The following ASTN2 variants were observed in gnomAD, a reference collection of about 807,000 sequenced individuals.
ASTN2 encodes astrotactin-2.
ASTN2 carries 54 observed loss-of-function variants against 139.8 expected under a neutral mutation model. That is an observed-to-expected ratio of 0.39 (90% CI 0.31 to 0.48). ASTN2 has a LOEUF of 0.48. Among genes scored for constraint, ASTN2 ranks in the 20% least tolerant of loss-of-function variants. ASTN2 has a pLI of 0.95. For missense variants in ASTN2, 1,565 were observed against 1,725.1 expected (o/e 0.91, Z 1.64); for synonymous variants, 756 against 719.5 (o/e 1.05, Z -0.81).
At chr9:116,463,371 A>C (rs1482232565) in intron 20 of ASTN2, among the ~76,000 whole-genome samples, 1 of 152,118 alleles carries the variant, frequency 6.6e-6, no homozygotes, top group East Asian at 1.9e-4. Flanking sequence ...TATTCTCCCT[A>C]AGCTGGTTCA....
intron 5 of ASTN2, among the ~76,000 whole-genome samples, chr9:117,089,496 T>C (rs1828648649): frequency 7.3e-6 from 1 of 136,520 alleles, no homozygotes; most frequent in Non-Finnish European, 1.6e-5. Flanking sequence ...AAATAGACTC[T>C]TTTATTTATT....
rs972987537 is a variant in ASTN2, at chr9:116,794,660, G to A, written c.2396+10972C>T. 7.2e-5 allele frequency among the ~76,000 whole-genome samples: 11 copies of A among 152,156 alleles called. No individual in the cohort carries two copies. In the East Asian group the frequency reaches 9.6e-4, roughly 13 times the overall value. The stretch of plus-strand genomic sequence containing the variant: ...GGGCTTCAATTTTCTCATGTAAAGC[G>A]TATGAGCATCAATCTGCTTTGTCAA... On this transcript the variant is annotated intron_variant, in intron 13 of 22. Transcript: ENST00000313400.
At position 116,889,770 on chromosome 9, in the gene ASTN2, C is replaced by CAA. The variant is rs1833715774; in HGVS notation, c.1890-26039_1890-26038dup. 5.8e-5 allele frequency among the ~76,000 whole-genome samples: 7 copies of CAA among 120,404 alleles called. No individual in the cohort carries two copies. The South Asian group carries it at 1.9e-3, about 33-fold the overall frequency. 79.0% of individuals were successfully genotyped at this position (120,404 alleles called of 152,430 possible). The stretch of plus-strand genomic sequence containing the variant: ...ACACACACACACACACACACACACA[C>CAA]AAATAAGAAAATTAGCCAGATGTGG... On this transcript the variant is annotated intron_variant, in intron 10 of 22. Coordinates refer to ENST00000313400, the MANE Select transcript of ASTN2 (RefSeq NM_001365068.1).
intron 12 of ASTN2, among the ~76,000 whole-genome samples, chr9:116,817,321 T>A (rs1003816537): frequency 5.8e-4 from 22 of 37,986 alleles, no homozygotes; most frequent in Admixed American, 2.1e-3. Context: ...AAAGAAAGAA[T>A]GGGTATTAAT....
chr9:116,671,624 G>A (rs950579037), intron 16 of ASTN2, among the ~76,000 whole-genome samples: 4 of 152,052 alleles, frequency 2.6e-5, no homozygotes, highest in African/African-American at 9.7e-5. Flanking sequence ...AATATTGAGA[G>A]GATGCCACTT....
At chr9:116,516,227 A>T (rs1218519306) in intron 19 of ASTN2, among the ~76,000 whole-genome samples, 1 of 152,156 alleles carries the variant, frequency 6.6e-6, no homozygotes, top group African/African-American at 2.4e-5. Context: ...AAGGCTCCAA[A>T]TATCTACTGT....
At chr9:117,078,990 C>T (rs889212533) in intron 5 of ASTN2, among the ~76,000 whole-genome samples, 1 of 152,158 alleles carries the variant, frequency 6.6e-6, no homozygotes, top group Non-Finnish European at 1.5e-5. Flanking sequence ...CCTGCCTCGG[C>T]CTCCCAAAGT....
At chr9:116,949,634 T>C (rs987382310) in intron 10 of ASTN2, among the ~76,000 whole-genome samples, 3 of 152,206 alleles carry the variant, frequency 2.0e-5, no homozygotes, top group African/African-American at 7.2e-5. Flanking sequence ...CAAGGTCAAA[T>C]TGTGACCAAT....
intron 17 of ASTN2, among the ~76,000 whole-genome samples, chr9:116,650,784 A>G (rs962225610): frequency 6.6e-6 from 1 of 152,172 alleles, no homozygotes; most frequent in African/African-American, 2.4e-5. Flanking sequence ...AGAGGTAAAA[A>G]TGACATTTGC....
intron 6 of ASTN2, among the ~76,000 whole-genome samples, chr9:117,016,556 A>AT (rs1326037838): frequency 2.1e-5 from 3 of 141,624 alleles, no homozygotes; most frequent in African/African-American, 7.8e-5. Flanking sequence ...GACCATGGAG[A>AT]TGAACAGTCC....
intron 6 of ASTN2, among the ~76,000 whole-genome samples, chr9:117,014,590 T>C (rs983573420): frequency 3.3e-4 from 50 of 152,286 alleles, no homozygotes; most frequent in Admixed American, 2.0e-3. Context: ...TTCTCTATGG[T>C]TCCTACTTGT....
At chr9:116,915,110 A>C (rs1834405639) in intron 10 of ASTN2, among the ~76,000 whole-genome samples, 1 of 152,122 alleles carries the variant, frequency 6.6e-6, no homozygotes, top group African/African-American at 2.4e-5. Flanking sequence ...GACAGAACAC[A>C]CTGCCCTCTC....
chr9:116,435,250 G>A lies in ASTN2; in HGVS notation c.3782+5359C>T, dbSNP rs1024934863. Among the ~76,000 whole-genome samples the A allele has an allele frequency of 4.6e-5, 7 of 152,212 alleles. No individual in the cohort carries two copies. The South Asian group carries it at 1.2e-3, about 27-fold the overall frequency. ...GCTTGTGTCCAAGGTCACACAACAA[G>A]TAGGTGACAAGGCTAGGACAGAAGC... On this transcript the variant is annotated intron_variant, in intron 22 of 22. Transcript: ENST00000313400.
At chr9:116,711,138 T>C (rs1318334441) in intron 16 of ASTN2, among the ~76,000 whole-genome samples, 2 of 152,214 alleles carry the variant, frequency 1.3e-5, no homozygotes, top group African/African-American at 4.8e-5. Flanking sequence ...AAATGTAAGG[T>C]GCAAATGCTC....
chr9:117,040,351 T>C (rs73657624), intron 5 of ASTN2, among the ~76,000 whole-genome samples: 7,554 of 152,312 alleles, frequency 0.05, 408 homozygotes, highest in African/African-American at 0.11. Context: ...CAGTAGAGTC[T>C]AGTGAAATAA....
chr9:117,198,137 G>T (rs117692012), intron 3 of ASTN2, among the ~76,000 whole-genome samples: 3 of 151,896 alleles, frequency 2.0e-5, no homozygotes, highest in African/African-American at 7.3e-5. Flanking sequence ...TGCCTTGGTG[G>T]TTTGCTGTAC....
intron 7 of ASTN2, among the ~76,000 whole-genome samples, chr9:116,990,528 C>T (rs1179202399): frequency 6.6e-6 from 1 of 152,174 alleles, no homozygotes; most frequent in Non-Finnish European, 1.5e-5. Context: ...CCTCCAGCCT[C>T]CCAAAGTGTT....
intron 17 of ASTN2, among the ~76,000 whole-genome samples, chr9:116,626,154 GTTTTTTTTTT>G (rs751026997): frequency 1.2e-4 from 4 of 34,440 alleles, no homozygotes; most frequent in Non-Finnish European, 1.1e-4. Context: ...TAGTTTTTGT[GTTTTTTTTTT>G]TTTTTTTTTT....
chr9:117,113,751 GT>G (rs1384864036), intron 4 of ASTN2, among the ~76,000 whole-genome samples: 1 of 152,148 alleles, frequency 6.6e-6, no homozygotes, highest in Non-Finnish European at 1.5e-5. Context: ...AATGGAAGAT[GT>G]CAGACACAAA....
Sources: allele counts gnomAD v4.1 joint callset (sites outside exome capture counted in the v4.1 genomes callset), GRCh38; gene constraint gnomAD v4.1.1; transcripts MANE v1.5; gene names NCBI Gene and HGNC (gene_info 2026-07-23, HGNC 2026-07-21).